The following NOTCH2 variants were observed in gnomAD, a reference collection of about 807,000 sequenced individuals.
NOTCH2 encodes notch receptor 2, also known as neurogenic locus notch homolog protein 2.
A neutral mutation model predicts 235.8 loss-of-function variants in NOTCH2; 29 were observed. The ratio of observed to expected loss-of-function variants is 0.12; its 90% CI spans 0.09 to 0.17. The LOEUF is 0.17. Among genes scored for constraint, NOTCH2 ranks in the 10% least tolerant of loss-of-function variants. NOTCH2 has a pLI of 1.00. For synonymous variants in NOTCH2, 1,086 were observed against 1,141.5 expected, an observed-to-expected ratio of 0.95 and a Z score of 0.98; for missense variants, 2,285 against 3,150.2, an observed-to-expected ratio of 0.73 and a Z score of 6.57.
chr1:119,929,535 A>G (rs1183380346), intron 22 of NOTCH2, among the ~76,000 whole-genome samples: 1 of 152,260 alleles, frequency 6.6e-6, no homozygotes, highest in African/African-American at 2.4e-5. Context: ...AGAGAGGCTC[A>G]GTAATTTTTC....
rs746381696 is a variant in NOTCH2, at chr1:119,915,295, G to A, written c.*11C>T. 8.7e-6 allele frequency: 14 copies of A among 1,612,140 alleles called. No individual in the cohort carries two copies. In the African/African-American group the frequency reaches 1.7e-4, roughly 20 times the overall value. ...AAGTCAGTTATGTCTCTACACTGGA[G>A]GTGGACTCTCTCACGCATAAACCTG... On this transcript the variant is annotated 3_prime_UTR_variant, in exon 34 of 34. Coordinates refer to ENST00000256646, the MANE Select transcript of NOTCH2 (RefSeq NM_024408.4).
At chr1:119,999,769 C>T (rs1393626579) in intron 3 of NOTCH2, among the ~76,000 whole-genome samples, 2 of 152,004 alleles carry the variant, frequency 1.3e-5, no homozygotes, top group African/African-American at 4.8e-5. Context: ...GTAATCCCAG[C>T]TACCTGGGAG....
In NOTCH2 at chr1:119,919,296, T is replaced by G; in HGVS notation, c.5781+16A>C. 6.2e-7 allele frequency: 1 copy of G among 1,605,298 alleles called. No homozygotes were observed. Among genetic ancestry groups the G allele is most frequent in the South Asian group, 1.1e-5 (1 of 90,956 alleles). On this transcript the variant is annotated intron_variant, in intron 31 of 33. Transcript: ENST00000256646. ...ATAGGAATTATTATTCAAGTGACTCTTCTCATGTTCTTTACCTGGAAGACA... is the reference window on the plus strand; with the variant it reads ...ATAGGAATTATTATTCAAGTGACTCGTCTCATGTTCTTTACCTGGAAGACA...
intron 5 of NOTCH2, among the ~76,000 whole-genome samples, 192 bp from the exon 6 acceptor site, chr1:119,969,936 C>T (rs587755810): frequency 1.3e-5 from 2 of 152,208 alleles, no homozygotes; most frequent in South Asian, 2.1e-4. Flanking sequence ...CCAGGCAAAT[C>T]GTTTCAAGAT....
Position 119,914,471 on chromosome 1 carries a change from C to A in NOTCH2, c.*835G>T, listed in dbSNP as rs587731313. 1.3e-5 allele frequency: 3 copies of A among 233,288 alleles called. No individual in the cohort carries two copies. The East Asian group carries it at 1.8e-4, about 14-fold the overall frequency. The allele number at this position is 233,288 out of a possible 1,614,324, so 14.5% of individuals were successfully genotyped here. On this transcript the variant is annotated 3_prime_UTR_variant, in exon 34 of 34. Transcript: ENST00000256646. The stretch of plus-strand genomic sequence containing the variant: ...AAAACAACAAACTCACACCCTTCTT[C>A]CTGGTAAAGTTTATATGAAGACCTG...
chr1:119,978,824 G>A (rs1396724887), intron 5 of NOTCH2, among the ~76,000 whole-genome samples: 3 of 152,272 alleles, frequency 2.0e-5, no homozygotes, highest in Non-Finnish European at 4.4e-5. Flanking sequence ...AGAGTGAGGG[G>A]ATCCAGGGGA....
intron 3 of NOTCH2, among the ~76,000 whole-genome samples, chr1:120,003,809 T>TG (rs1652856045): frequency 6.6e-6 from 1 of 151,304 alleles, no homozygotes; most frequent in Non-Finnish European, 1.5e-5. Context: ...TAAATAACAT[T>TG]GGACAATCAC....
At chr1:119,976,777 C>CT (rs1250308957) in intron 5 of NOTCH2, among the ~76,000 whole-genome samples, 8 of 152,064 alleles carry the variant, frequency 5.3e-5, no homozygotes, top group Admixed American at 1.3e-4. Context: ...CCACTCTGGG[C>CT]TTTTTTCATT....
intron 14 of NOTCH2, 43 bp from the exon 15 acceptor site, chr1:119,950,880 A>G: frequency 8.2e-7 from 1 of 1,226,582 alleles, no homozygotes; most frequent in African/African-American, 1.5e-5. Flanking sequence ...AAACTTTCTG[A>G]CAGCCTCATC....
chr1:119,972,235 T>C (rs1234180985), intron 5 of NOTCH2, among the ~76,000 whole-genome samples: 3 of 152,120 alleles, frequency 2.0e-5, no homozygotes, highest in Non-Finnish European at 4.4e-5. Context: ...GGGTAGATGA[T>C]GTCATTTATT....
At chr1:119,924,007 C>T (rs2101159552) in intron 25 of NOTCH2, 23 bp from the exon 26 acceptor site, 3 of 1,579,748 alleles carry the variant, frequency 1.9e-6, no homozygotes, top group East Asian at 2.2e-5. Flanking sequence ...AAGCAGAGAA[C>T]AGGCAAAAGA....
At chr1:119,937,214 T>C (rs1649885982) in intron 21 of NOTCH2, 68 bp downstream of exon 21, 2 of 1,463,062 alleles carry the variant, frequency 1.4e-6, no homozygotes, top group South Asian at 1.1e-5. Context: ...AAATTCAATA[T>C]ATCAGTGCTC....
chr1:119,918,959 C>T (rs192372933), intron 31 of NOTCH2, among the ~76,000 whole-genome samples: 1 of 107,052 alleles, frequency 9.3e-6, no homozygotes, highest in Middle Eastern at 3.8e-3. Flanking sequence ...GAAGCCCATA[C>T]AGTCAGGCCA....
chr1:119,948,666 C>T, intron 16 of NOTCH2, 100 bp from the exon 17 acceptor site: 3 of 1,371,052 alleles, frequency 2.2e-6, no homozygotes, highest in Non-Finnish European at 3.1e-6. Context: ...GGAGCTATTC[C>T]ACAGACAAAC....
intron 10 of NOTCH2, 107 bp from the exon 11 acceptor site, chr1:119,963,914 A>C (rs1464654542): frequency 3.2e-6 from 3 of 944,620 alleles, no homozygotes; most frequent in Non-Finnish European, 5.1e-6. Flanking sequence ...ATGTGTGGTC[A>C]ATTAATACTG....
At chr1:120,024,055 T>C (rs1447287398) in intron 2 of NOTCH2, among the ~76,000 whole-genome samples, 1 of 151,494 alleles carries the variant, frequency 6.6e-6, no homozygotes, top group Non-Finnish European at 1.5e-5. Flanking sequence ...AACAGCATTC[T>C]TTGTTTTATG....
chr1:120,053,574 TA>T (rs1191277773), intron 1 of NOTCH2, among the ~76,000 whole-genome samples: 1 of 125,550 alleles, frequency 8.0e-6, no homozygotes, highest in Non-Finnish European at 1.6e-5. Flanking sequence ...AAAAGATTTT[TA>T]AAAGCTTTTG....
chr1:119,998,195 T>C (rs1652550597), intron 3 of NOTCH2, among the ~76,000 whole-genome samples: 1 of 144,910 alleles, frequency 6.9e-6, no homozygotes, highest in Admixed American at 6.9e-5. Context: ...TCTCAAATCA[T>C]GTCTGTTGAA....
intron 21 of NOTCH2, among the ~76,000 whole-genome samples, chr1:119,936,152 A>T (rs1649840664): frequency 6.6e-6 from 1 of 152,182 alleles, no homozygotes; most frequent in South Asian, 2.1e-4. Context: ...GACCAAGAAA[A>T]AAGATATGGC....
Sources: gnomAD v4.1 joint callset for allele counts (sites outside exome capture counted in the v4.1 genomes callset) on GRCh38, gnomAD v4.1.1 for gene constraint, MANE v1.5 for transcripts, NCBI Gene and HGNC (gene_info 2026-07-23, HGNC 2026-07-21) for gene names.